The following ZFP90 variants were observed in gnomAD, a reference collection of about 807,000 sequenced individuals.
ZFP90 encodes the protein ZFP90 zinc finger protein.
In ZFP90, 38 loss-of-function variants were observed where a neutral mutation model predicts 60.8. The observed-to-expected ratio is 0.62, with a 90% CI of 0.48 to 0.82. The LOEUF (loss-of-function observed/expected upper bound fraction) is 0.82. Among genes scored for constraint, ZFP90 ranks in the 40% least tolerant of loss-of-function variants. The probability of loss-of-function intolerance (pLI) is 0.00; values close to 1 mark genes in which losing one functional copy is unlikely to be tolerated. For synonymous variants in ZFP90, 287 were observed against 264.8 expected (o/e 1.08, Z -0.82); for missense variants, 711 against 759.1 (o/e 0.94, Z 0.74).
intron 2 of ZFP90, among the ~76,000 whole-genome samples, chr16:68,541,947 T>C (rs2152055394): frequency 6.6e-6 from 1 of 152,280 alleles, no homozygotes; most frequent in Middle Eastern, 3.4e-3. Flanking sequence ...GCATTCTCAT[T>C]GAATGGCCTG....
chr16:68,566,985 CAT>C lies in ZFP90; in HGVS notation c.*2290_*2291del, dbSNP rs2152077211. On this transcript the variant is annotated 3_prime_UTR_variant, in exon 5 of 5. Transcript: ENST00000563169. ...TCATTGACAGGGAGGGAGCCCAGGA[CAT>C]ATGTGTGGCTCATTGACCAGAAGGC... is the stretch of plus-strand genomic sequence containing the variant. The C allele has an allele frequency of 4.1e-6, 4 of 985,612 alleles. No homozygotes were observed. Among genetic ancestry groups the C allele is most frequent in the African/African-American group, 3.5e-5 (2 of 57,354 alleles). 61.1% of individuals were successfully genotyped at this position (985,612 alleles called of 1,614,324 possible). A position where few individuals can be genotyped will look rare whatever the true frequency, so the allele number is the denominator to read the frequency against.
At chr16:68,546,816 T>C (rs932644524) in intron 2 of ZFP90, among the ~76,000 whole-genome samples, 3 of 152,192 alleles carry the variant, frequency 2.0e-5, no homozygotes, top group African/African-American at 4.8e-5. Flanking sequence ...CTGGCCAAAA[T>C]CACACAGTAT....
At chr16:68,557,903 T>C in intron 2 of ZFP90, 95 bp from the exon 3 acceptor site, 2 of 1,527,980 alleles carry the variant, frequency 1.3e-6, no homozygotes, top group Non-Finnish European at 1.8e-6. Context: ...AAATGTGTGA[T>C]CACCACTTCT....
chr16:68,539,828 G>A lies in ZFP90; in HGVS notation c.33+3G>A. The A allele has an allele frequency of 1.9e-6, 3 of 1,606,678 alleles. No individual in the cohort carries two copies. The highest frequency in any genetic ancestry group is 1.7e-6 in the Non-Finnish European group (2 of 1,178,128). Reference sequence around the variant, plus strand: ...GGCCTCCGACCGCCGCGCCCCAGGTGAGCAACGCGTTCCTAACCTCCTGGG... The same window carrying A: ...GGCCTCCGACCGCCGCGCCCCAGGTAAGCAACGCGTTCCTAACCTCCTGGG... On this transcript the variant is annotated splice_donor_region_variant and intron_variant, in intron 2 of 4. Coordinates refer to ENST00000563169, the MANE Select transcript of ZFP90 (RefSeq NM_001305203.2).
chr16:68,574,250 AAAAAAG>A (rs1217059477), intron 2 of ZFP90: 4 of 134,604 alleles, frequency 3.0e-5, no homozygotes, highest in Non-Finnish European at 6.4e-5. Flanking sequence ...AAAAAAAAAA[AAAAAAG>A]GTTTTTCTTT....
chr16:68,540,910 CCTTTTTTTT>C (rs1307447031), intron 2 of ZFP90, among the ~76,000 whole-genome samples: 1 of 101,658 alleles, frequency 9.8e-6, no homozygotes, highest in African/African-American at 3.5e-5. Context: ...ATACATCATG[CCTTTTTTTT>C]TTTTTTTTTT....
At chr16:68,540,600 C>T (rs149108552) in intron 2 of ZFP90, among the ~76,000 whole-genome samples, 1 of 151,970 alleles carries the variant, frequency 6.6e-6, no homozygotes, top group Middle Eastern at 3.2e-3. Context: ...ATCTTTGAAT[C>T]TACATTCTCT....
intron 2 of ZFP90, among the ~76,000 whole-genome samples, chr16:68,549,515 A>C (rs923701335): frequency 5.3e-5 from 8 of 152,022 alleles, no homozygotes; most frequent in South Asian, 4.2e-4. Flanking sequence ...GTCTCTACTA[A>C]AAATACAAAA....
chr16:68,575,643 G>A (rs1660364134), intron 2 of ZFP90: 3 of 383,406 alleles, frequency 7.8e-6, no homozygotes, highest in Non-Finnish European at 1.4e-5. Flanking sequence ...ATAGATGAAG[G>A]TTAGTGATCA....
At chr16:68,534,760 C>G (rs1057196844), upstream of ZFP90, among the ~76,000 whole-genome samples, 1 of 151,590 alleles carries the variant, frequency 6.6e-6, no homozygotes, top group Non-Finnish European at 1.5e-5. Context: ...AAAACATTAG[C>G]TTGGCTTGGT....
chr16:68,559,160 G>A (rs1292502019), intron 4 of ZFP90, among the ~76,000 whole-genome samples: 2 of 152,080 alleles, frequency 1.3e-5, no homozygotes, highest in Non-Finnish European at 2.9e-5. Context: ...CCTGCCTTAA[G>A]GAACCTGCCT....
chr16:68,553,340 G>T (rs7196911), intron 2 of ZFP90, among the ~76,000 whole-genome samples: 31 of 151,884 alleles, frequency 2.0e-4, no homozygotes, highest in Non-Finnish European at 2.8e-4. Flanking sequence ...AGCCACGGGC[G>T]TACATGCAGG....
chr16:68,575,394 T>C (rs941046067), intron 2 of ZFP90, among the ~76,000 whole-genome samples: 1 of 152,120 alleles, frequency 6.6e-6, no homozygotes, highest in African/African-American at 2.4e-5. Context: ...AAGAATTTTA[T>C]TGAGTAACAC....
intron 2 of ZFP90, among the ~76,000 whole-genome samples, chr16:68,574,636 C>T (rs138886457): frequency 1.6e-3 from 240 of 152,220 alleles, no homozygotes; most frequent in African/African-American, 3.6e-3. Flanking sequence ...ATGAAAGACA[C>T]GCGTGGACCG....
Position 68,565,064 on chromosome 16 carries a change from A to C in ZFP90, c.*366A>C. 1.0e-6 allele frequency: 1 copy of C among 1,001,532 alleles called. No individual in the cohort carries two copies. Among genetic ancestry groups the C allele is most frequent in the Non-Finnish European group, 1.2e-6 (1 of 840,664 alleles). 62.0% of individuals were successfully genotyped at this position (1,001,532 alleles called of 1,614,324 possible). A position where few individuals can be genotyped will look rare whatever the true frequency, so the allele number is the denominator to read the frequency against. On this transcript the variant is annotated 3_prime_UTR_variant, in exon 5 of 5. Coordinates refer to ENST00000563169, the MANE Select transcript of ZFP90 (RefSeq NM_001305203.2). ...ATTCCTGCAGTAATGACCAAAACCCATTTTAAAAATTGCTTGACAACTGCA... is the reference window on the plus strand; with the variant it reads ...ATTCCTGCAGTAATGACCAAAACCCCTTTTAAAAATTGCTTGACAACTGCA...
chr16:68,562,213 T>A (rs1480999003), intron 4 of ZFP90: 2 of 152,246 alleles, frequency 1.3e-5, no homozygotes, highest in South Asian at 4.1e-4. Flanking sequence ...ACCATCCAGT[T>A]GGTTTTGACA....
chr16:68,537,115 T>G (rs1379810651), upstream of ZFP90, among the ~76,000 whole-genome samples: 1 of 123,246 alleles, frequency 8.1e-6, no homozygotes, highest in Non-Finnish European at 1.6e-5. Flanking sequence ...CCTGCAGTTG[T>G]TTTGTTGTTG....
intron 2 of ZFP90, among the ~76,000 whole-genome samples, chr16:68,553,903 G>T (rs1329325615): frequency 6.6e-6 from 1 of 152,094 alleles, no homozygotes; most frequent in African/African-American, 2.4e-5. Context: ...AGGATCACAG[G>T]TGTGAGCCAC....
At chr16:68,533,677 TTTG>T (rs1291014113) in intron 1 of ZFP90, 3 of 152,172 alleles carry the variant, frequency 2.0e-5, no homozygotes, top group African/African-American at 7.2e-5. Flanking sequence ...ATTCTCCTTT[TTTG>T]TTGTTGTTTT....
Sources: allele counts gnomAD v4.1 joint callset (sites outside exome capture counted in the v4.1 genomes callset), GRCh38; gene constraint gnomAD v4.1.1; transcripts MANE v1.5; gene names NCBI Gene and HGNC (gene_info 2026-07-23, HGNC 2026-07-21).